Variants in ADGRV1 observed in about 807,000 individuals in gnomAD.
The protein encoded by ADGRV1 is G-protein coupled receptor 98.
Under a neutral mutation model 596.2 loss-of-function variants are expected in ADGRV1, and 359 were observed. That is an observed-to-expected ratio of 0.60 (90% CI 0.55 to 0.66). ADGRV1 has a LOEUF of 0.66. Ranked by LOEUF, ADGRV1 falls within the 30% of genes least tolerant of loss-of-function variation. The probability of loss-of-function intolerance (pLI) is 0.00; values close to 1 mark genes in which losing one functional copy is unlikely to be tolerated. For missense variants in ADGRV1, 7,274 were observed against 7,575.6 expected (o/e 0.96, Z 1.48); for synonymous variants, 2,681 against 2,679.2 (o/e 1.00, Z -0.02).
intron 21 of ADGRV1, among the ~76,000 whole-genome samples, chr5:90,668,220 C>T (rs1561491008): frequency 1.3e-5 from 2 of 152,056 alleles, no homozygotes; most frequent in African/African-American, 2.4e-5. Flanking sequence ...TCGCTGCCGC[C>T]TTGCAGTTTG....
rs1253491022 is a variant in ADGRV1 at position 90,622,625 on chromosome 5, A to C, written c.482A>C (p.Lys161Thr). Reference protein sequence around the residue: ...MLPSIAVSEPKGRNESMPLTL... With the variant: ...MLPSIAVSEPTGRNESMPLTL... ...CCCTCAATCGCAGTGAGTGAGCCCA[A>C]GGGCAGAAATGAGTCTATGCCTCTT... Residue 161 changes from lysine (K) to threonine (T), a missense_variant, in exon 5 of 90, where the codon AAG becomes ACG. Physicochemically the swap from Lys to Thr is moderately conservative, Grantham distance 78 (BLOSUM62 -1). Around this residue, in one of 5 missense-constraint regions of ADGRV1, gnomAD observed 1,715 missense variants for 1,708.8 expected, o/e 1.00. Transcript: ENST00000405460. 6.7e-7 allele frequency: 1 copy of C among 1,495,694 alleles called. No homozygotes were observed. Among genetic ancestry groups the C allele is most frequent in the Non-Finnish European group, 8.9e-7 (1 of 1,121,284 alleles). The allele number at this position is 1,495,694 out of a possible 1,614,324, so 92.7% of individuals were successfully genotyped here. A position where few individuals can be genotyped will look rare whatever the true frequency, so the allele number is the denominator to read the frequency against.
intron 87 of ADGRV1, among the ~76,000 whole-genome samples, chr5:91,130,770 T>A (rs1382219468): frequency 6.6e-6 from 1 of 152,234 alleles, no homozygotes; most frequent in South Asian, 2.1e-4. Flanking sequence ...TTTTCAACTT[T>A]ACCCCTTCAT....
intron 75 of ADGRV1, among the ~76,000 whole-genome samples, chr5:90,819,630 G>C (rs1039281478): frequency 1.3e-5 from 2 of 150,786 alleles, no homozygotes; most frequent in African/African-American, 4.9e-5. Context: ...TGTTCTCGTT[G>C]GTTTCAAAGA....
chr5:90,608,433 C>A (rs956232936), intron 1 of ADGRV1, among the ~76,000 whole-genome samples: 8 of 152,180 alleles, frequency 5.3e-5, no homozygotes, highest in East Asian at 1.9e-4. Flanking sequence ...ACAACACAAA[C>A]AATCAGAACG....
At chr5:90,735,601 G>T (rs1753120619) in intron 50 of ADGRV1, among the ~76,000 whole-genome samples, 1 of 152,118 alleles carries the variant, frequency 6.6e-6, no homozygotes, top group Non-Finnish European at 1.5e-5. Flanking sequence ...ATCACTTTGG[G>T]TAGCATGGAC....
intron 47 of ADGRV1, 54 bp downstream of exon 47, chr5:90,725,286 T>G: frequency 2.7e-6 from 3 of 1,115,580 alleles, no homozygotes; most frequent in Non-Finnish European, 3.7e-6. Context: ...AAATTAAGAT[T>G]TGTAAGATTG....
chr5:90,978,975 G>T (rs1366241058), intron 84 of ADGRV1, among the ~76,000 whole-genome samples: 1 of 151,758 alleles, frequency 6.6e-6, no homozygotes, highest in African/African-American at 2.4e-5. Context: ...AATTGTTTTG[G>T]GTATTATATT....
intron 83 of ADGRV1, among the ~76,000 whole-genome samples, chr5:90,914,518 T>C (rs190831163): frequency 2.5e-4 from 38 of 152,304 alleles, no homozygotes; most frequent in African/African-American, 8.4e-4. Flanking sequence ...ACCTTAAGGC[T>C]AGATGAAGAG....
intron 72 of ADGRV1, among the ~76,000 whole-genome samples, chr5:90,807,094 G>T (rs531502236): frequency 6.6e-6 from 1 of 152,050 alleles, no homozygotes; most frequent in Non-Finnish European, 1.5e-5. Flanking sequence ...CTCAGAATCC[G>T]CCCTCGTCGG....
chr5:90,649,768 C>T (rs556102739), intron 17 of ADGRV1, among the ~76,000 whole-genome samples: 4 of 152,306 alleles, frequency 2.6e-5, no homozygotes, highest in African/African-American at 9.6e-5. Context: ...GGATTACAGG[C>T]GTGAGCCACC....
intron 75 of ADGRV1, among the ~76,000 whole-genome samples, chr5:90,816,339 A>G (rs898740993): frequency 2.0e-5 from 3 of 151,344 alleles, no homozygotes; most frequent in Non-Finnish European, 4.4e-5. Context: ...TTTTGGACAT[A>G]ATAGAAAAAT....
chr5:90,583,761 G>C (rs1364169043), intron 1 of ADGRV1, among the ~76,000 whole-genome samples: 16 of 152,160 alleles, frequency 1.1e-4, no homozygotes, highest in African/African-American at 4.8e-5. Context: ...CTAGGTGTAA[G>C]GGCTTTTCTA....
chr5:90,661,757 G>T (rs528998823), intron 21 of ADGRV1, among the ~76,000 whole-genome samples: 38 of 152,222 alleles, frequency 2.5e-4, no homozygotes, highest in Middle Eastern at 3.4e-3. Context: ...GATTATTATG[G>T]ATGTTAGGCC....
intron 73 of ADGRV1, among the ~76,000 whole-genome samples, chr5:90,809,037 C>T (rs887143402): frequency 9.3e-5 from 14 of 150,598 alleles, no homozygotes; most frequent in Admixed American, 3.3e-4. Flanking sequence ...AGCTCCGCCT[C>T]CCGGGTTCAC....
intron 9 of ADGRV1, among the ~76,000 whole-genome samples, chr5:90,633,851 C>A (rs1343719169): frequency 6.6e-6 from 1 of 151,948 alleles, no homozygotes; most frequent in African/African-American, 2.4e-5. Flanking sequence ...ATGTCTTTCT[C>A]CTGTATATGA....
chr5:90,745,273 C>A lies in ADGRV1; in HGVS notation c.10769+8C>A. ...TTCTGACTTTATTCCTAGGTAGGTT[C>A]AACATTTTTTGCTAAGTATCTTTAT... is the stretch of plus-strand genomic sequence containing the variant. On this transcript the variant is annotated splice_region_variant and intron_variant, in intron 51 of 89. Coordinates refer to ENST00000405460, the MANE Select transcript of ADGRV1 (RefSeq NM_032119.4). 6.5e-7 allele frequency: 1 copy of A among 1,542,848 alleles called. No homozygotes were observed. Among genetic ancestry groups the A allele is most frequent in the East Asian group, 2.3e-5 (1 of 44,218 alleles).
chr5:90,594,836 G>T (rs1166047974), intron 1 of ADGRV1, among the ~76,000 whole-genome samples: 1 of 150,796 alleles, frequency 6.6e-6, no homozygotes, highest in African/African-American at 2.5e-5. Flanking sequence ...CAAGGCAGAA[G>T]AATTTTTCTT....
chr5:90,988,422 A>G (rs2151061208), intron 85 of ADGRV1, among the ~76,000 whole-genome samples: 1 of 152,300 alleles, frequency 6.6e-6, no homozygotes, highest in South Asian at 2.1e-4. Flanking sequence ...TTTCTTATGG[A>G]AAGCAGTGAA....
At chr5:90,703,307 G>C (rs771835299) in intron 34 of ADGRV1, among the ~76,000 whole-genome samples, 6 of 152,020 alleles carry the variant, frequency 3.9e-5, no homozygotes, top group Non-Finnish European at 7.4e-5. Flanking sequence ...AGTGAAGGAA[G>C]AATTTACTTG....
Sources: gnomAD v4.1 joint callset for allele counts (sites outside exome capture counted in the v4.1 genomes callset) on GRCh38, gnomAD v4.1.1 for gene constraint, gnomAD v4.1.1 regional missense constraint, MANE v1.5 for transcripts, NCBI Gene and HGNC (gene_info 2026-07-23, HGNC 2026-07-21) for gene names.